DCLK1: variants seen among roughly 807,000 people sequenced by gnomAD.
DCLK1 encodes the protein doublecortin like kinase 1, also known as serine/threonine-protein kinase DCLK1.
DCLK1 carries 16 observed loss-of-function variants against 86.2 expected under a neutral mutation model. The ratio of observed to expected loss-of-function variants is 0.19; its 90% CI spans 0.13 to 0.28. The LOEUF is 0.28. DCLK1 is among the 10% of genes least tolerant of loss of function. The probability of loss-of-function intolerance (pLI) is 1.00; values close to 1 mark genes in which losing one functional copy is unlikely to be tolerated. For synonymous variants in DCLK1, 369 were observed against 370.5 expected, an observed-to-expected ratio of 1.00 and a Z score of 0.05; for missense variants, 590 against 940.2, an observed-to-expected ratio of 0.63 and a Z score of 4.87.
chr13:36,008,269 TTGTGCAGGTTAGTTACATA>T (rs1881098778), intron 3 of DCLK1, among the ~76,000 whole-genome samples: 1 of 126,542 alleles, frequency 7.9e-6, no homozygotes, highest in African/African-American at 3.0e-5. Flanking sequence ...CATGTGCACA[TTGTGCAGGTTAGTTACATA>T]TGTATACATG....
At chr13:36,103,755 C>T (rs1334982423) in intron 3 of DCLK1, among the ~76,000 whole-genome samples, 1 of 152,074 alleles carries the variant, frequency 6.6e-6, no homozygotes, top group Non-Finnish European at 1.5e-5. Flanking sequence ...AGTCTGCCAC[C>T]ACAGACACCC....
intron 16 of DCLK1, among the ~76,000 whole-genome samples, chr13:35,777,885 T>C (rs2086451710): frequency 6.6e-6 from 1 of 152,212 alleles, no homozygotes; most frequent in Non-Finnish European, 1.5e-5. Flanking sequence ...TCTGTTTCCA[T>C]GACAGTCTAG....
chr13:36,032,520 T>C (rs1882324109), intron 3 of DCLK1, among the ~76,000 whole-genome samples: 1 of 152,210 alleles, frequency 6.6e-6, no homozygotes, highest in South Asian at 2.1e-4. Context: ...TGCCATGCCA[T>C]TCGGTTTGGC....
chr13:36,109,791 C>T (rs547942202), intron 3 of DCLK1, among the ~76,000 whole-genome samples: 10 of 152,282 alleles, frequency 6.6e-5, no homozygotes, highest in African/African-American at 2.2e-4. Flanking sequence ...CCTCGGATTC[C>T]GTCCCATGAC....
At chr13:35,845,162 C>T (rs1445294770) in intron 6 of DCLK1, among the ~76,000 whole-genome samples, 2 of 152,070 alleles carry the variant, frequency 1.3e-5, no homozygotes, top group South Asian at 2.1e-4. Context: ...GCACAAGAAC[C>T]GCTTGAACCC....
chr13:36,012,448 G>C (rs1490908408), intron 3 of DCLK1, among the ~76,000 whole-genome samples: 7 of 150,266 alleles, frequency 4.7e-5, no homozygotes, highest in African/African-American at 1.7e-4. Flanking sequence ...CTCAGCATTT[G>C]CTTGTCTGTA....
intron 5 of DCLK1, among the ~76,000 whole-genome samples, chr13:35,860,767 G>A (rs1871336120): frequency 6.6e-6 from 1 of 152,176 alleles, no homozygotes; most frequent in Non-Finnish European, 1.5e-5. Flanking sequence ...GTGGTGCAAC[G>A]TGTCATCTGT....
chr13:36,038,307 C>A (rs1337377588), intron 3 of DCLK1, among the ~76,000 whole-genome samples: 1 of 152,124 alleles, frequency 6.6e-6, no homozygotes, highest in Non-Finnish European at 1.5e-5. Context: ...GTTTTAAGGC[C>A]CGGAGATGGT....
intron 3 of DCLK1, among the ~76,000 whole-genome samples, chr13:35,958,553 C>G (rs1165012455): frequency 6.6e-6 from 1 of 152,176 alleles, no homozygotes; most frequent in Non-Finnish European, 1.5e-5. Context: ...ACCACCACCA[C>G]CATTACTACC....
At chr13:35,842,513 C>CA (rs11350271) in intron 6 of DCLK1, among the ~76,000 whole-genome samples, 36 of 148,610 alleles carry the variant, frequency 2.4e-4, no homozygotes, top group African/African-American at 5.9e-4. Context: ...TCTCCAAAAA[C>CA]AAAAAAAAAA....
At chr13:36,059,203 C>T (rs547538987) in intron 3 of DCLK1, among the ~76,000 whole-genome samples, 2 of 152,134 alleles carry the variant, frequency 1.3e-5, no homozygotes, top group African/African-American at 4.8e-5. Context: ...TTAGCGTCTG[C>T]GCCTCAGGAA....
chr13:35,985,960 C>A (rs907636888), intron 3 of DCLK1, among the ~76,000 whole-genome samples: 5 of 152,102 alleles, frequency 3.3e-5, no homozygotes, highest in Non-Finnish European at 5.9e-5. Context: ...CAATCGTAAT[C>A]AGAGAGTGGA....
At chr13:35,982,405 AAAGG>A (rs1879690362) in intron 3 of DCLK1, among the ~76,000 whole-genome samples, 1 of 123,732 alleles carries the variant, frequency 8.1e-6, no homozygotes, top group Non-Finnish European at 1.7e-5. Context: ...AAAAGAAAAG[AAAGG>A]GAGAGAGAGA....
chr13:35,850,969 C>T (rs1261293738), intron 6 of DCLK1, among the ~76,000 whole-genome samples: 1 of 152,168 alleles, frequency 6.6e-6, no homozygotes, highest in Non-Finnish European at 1.5e-5. Context: ...CTGGTTTCGC[C>T]TTATTGGCAA....
intron 4 of DCLK1, among the ~76,000 whole-genome samples, chr13:35,874,278 TAACA>T: frequency 6.6e-6 from 1 of 152,274 alleles, no homozygotes; most frequent in Middle Eastern, 3.4e-3. Flanking sequence ...ACATCTAAAC[TAACA>T]AAGTAGTTTA....
intron 6 of DCLK1, chr13:35,850,345 A>G: frequency 1.0e-6 from 1 of 992,450 alleles, no homozygotes; most frequent in African/African-American, 1.7e-5. Flanking sequence ...CTCTATGTCT[A>G]CTTATAATTA....
intron 3 of DCLK1, among the ~76,000 whole-genome samples, chr13:36,066,001 A>G (rs1335875984): frequency 6.6e-6 from 1 of 152,148 alleles, no homozygotes; most frequent in Non-Finnish European, 1.5e-5. Context: ...ACCAAATGCT[A>G]TATTTTCCAC....
At chr13:36,071,264 G>A (rs1883964520) in intron 3 of DCLK1, among the ~76,000 whole-genome samples, 1 of 151,998 alleles carries the variant, frequency 6.6e-6, no homozygotes, top group Non-Finnish European at 1.5e-5. Context: ...TCTTTTCTTA[G>A]TATATACATG....
chr13:36,120,255 G>T (rs12018390), intron 2 of DCLK1, among the ~76,000 whole-genome samples: 9,147 of 151,876 alleles, frequency 0.06, 725 homozygotes, highest in African/African-American at 0.19. Flanking sequence ...ACATCTACAC[G>T]GCAAAAAACA....
Sources: allele counts gnomAD v4.1 joint callset (sites outside exome capture counted in the v4.1 genomes callset), GRCh38; gene constraint gnomAD v4.1.1; transcripts MANE v1.5; gene names NCBI Gene and HGNC (gene_info 2026-07-23, HGNC 2026-07-21).